The following ALOX5 variants were observed in gnomAD, a reference collection of about 807,000 sequenced individuals.
The protein encoded by ALOX5 is arachidonate 5-lipoxygenase.
Under a neutral mutation model 87.9 loss-of-function variants are expected in ALOX5, and 64 were observed. The observed-to-expected ratio is 0.73, with a 90% confidence interval of 0.60 to 0.90. The LOEUF is 0.90. Among genes scored for constraint, ALOX5 ranks in the 40% least tolerant of loss-of-function variants. The pLI is 0.00. For missense variants in ALOX5, 822 were observed against 907.5 expected (o/e 0.91, Z 1.21); for synonymous variants, 388 against 355.1 (o/e 1.09, Z -1.04).
intron 1 of ALOX5, 59 bp from the exon 2 acceptor site, chr10:45,382,424 C>A: frequency 2.5e-6 from 4 of 1,587,062 alleles, no homozygotes; most frequent in South Asian, 1.1e-5. Context: ...ATTCTTAACA[C>A]CTCCAGAACA....
intron 4 of ALOX5, among the ~76,000 whole-genome samples, chr10:45,419,996 G>T (rs1374236380): frequency 6.6e-6 from 1 of 152,144 alleles, no homozygotes; most frequent in African/African-American, 2.4e-5. Context: ...GTTTGTATAT[G>T]GGAAGAAGAC....
chr10:45,440,614 C>T lies in ALOX5; in HGVS notation c.1166C>T (p.Ala389Val). 1 of 1,614,182 alleles carries T rather than the reference C, an allele frequency of 6.2e-7. No homozygotes were observed. The highest frequency in any genetic ancestry group is 8.5e-7 in the Non-Finnish European group (1 of 1,180,030). ...FGIAMYRQLPAVHPIFKLLVA... is the reference protein window; with the variant it reads ...FGIAMYRQLPVVHPIFKLLVA... ...ATTGCAATGTACCGCCAGCTGCCTG[C>T]TGTGCACCCCATTTTCAAGGTACAG... The change falls in exon 8 of 14, where the codon GCT becomes GTT. Residue 389 changes from alanine (A) to valine (V), a missense_variant. Coordinates refer to ENST00000374391, the MANE Select transcript of ALOX5 (RefSeq NM_000698.5).
intron 4 of ALOX5, among the ~76,000 whole-genome samples, chr10:45,420,680 C>T (rs573316845): frequency 6.6e-6 from 1 of 152,362 alleles, no homozygotes; most frequent in East Asian, 1.9e-4. Flanking sequence ...AATTCTGGCA[C>T]GCAGTTCCTC....
At chr10:45,396,041 TG>T (rs1460373664) in intron 3 of ALOX5, 105 bp downstream of exon 3, 1 of 1,159,820 alleles carries the variant, frequency 8.6e-7, no homozygotes, top group East Asian at 2.6e-5. Flanking sequence ...CTGTCACTGC[TG>T]GAAAGTCACC....
intron 3 of ALOX5, among the ~76,000 whole-genome samples, chr10:45,401,030 G>A (rs929151569): frequency 6.6e-6 from 1 of 152,196 alleles, no homozygotes; most frequent in African/African-American, 2.4e-5. Flanking sequence ...TGGCTGATGG[G>A]CTGTATCCAG....
intron 7 of ALOX5, among the ~76,000 whole-genome samples, chr10:45,431,548 GTTATTTATTTAT>G (rs34431757): frequency 2.0e-3 from 303 of 148,556 alleles, no homozygotes; most frequent in African/African-American, 5.4e-3. Flanking sequence ...AAACTATAAA[GTTATTTATTTAT>G]TTATTTATTT....
chr10:45,384,789 A>AC (rs141834949), intron 2 of ALOX5, among the ~76,000 whole-genome samples: 4,267 of 150,860 alleles, frequency 0.028, 218 homozygotes, highest in African/African-American at 0.097. Context: ...GGGGATGCAG[A>AC]CCCCCCCATC....
intron 2 of ALOX5, among the ~76,000 whole-genome samples, chr10:45,384,237 A>G (rs1839940108): frequency 6.6e-6 from 1 of 152,150 alleles, no homozygotes; most frequent in South Asian, 2.1e-4. Flanking sequence ...CTTCCTCTAC[A>G]CATTCCCTCC....
intron 2 of ALOX5, among the ~76,000 whole-genome samples, chr10:45,385,536 A>G (rs986994812): frequency 6.6e-6 from 1 of 152,208 alleles, no homozygotes; most frequent in Non-Finnish European, 1.5e-5. Flanking sequence ...GCATGTTGCA[A>G]TTCCGCATGT....
intron 3 of ALOX5, among the ~76,000 whole-genome samples, chr10:45,401,515 C>A (rs1840699247): frequency 6.6e-6 from 1 of 152,022 alleles, no homozygotes; most frequent in East Asian, 1.9e-4. Flanking sequence ...GCTATATATA[C>A]CACTTTGCAT....
At chr10:45,391,651 C>T (rs1201933842) in intron 2 of ALOX5, among the ~76,000 whole-genome samples, 2 of 151,536 alleles carry the variant, frequency 1.3e-5, no homozygotes, top group African/African-American at 4.9e-5. Context: ...AAGTGAGGAG[C>T]GTCTCTGCCT....
At chr10:45,411,064 T>C (rs115372844) in intron 3 of ALOX5, among the ~76,000 whole-genome samples, 371 of 152,374 alleles carry the variant, frequency 2.4e-3, no homozygotes, top group African/African-American at 8.0e-3. Flanking sequence ...GAACTGAAGG[T>C]TCCTCCCTTT....
chr10:45,443,574 C>G, intron 11 of ALOX5, 37 bp downstream of exon 11: 3 of 1,600,012 alleles, frequency 1.9e-6, no homozygotes, highest in Non-Finnish European at 1.7e-6. Context: ...CCGGCTCCCC[C>G]GCAGTCGGCA....
In ALOX5 at chr10:45,443,054, G is replaced by C; in HGVS notation, c.1289G>C (p.Gly430Ala). The C allele has an allele frequency of 2.5e-6, 4 of 1,613,104 alleles. No homozygotes were observed. The highest frequency in any genetic ancestry group is 3.4e-6 in the Non-Finnish European group (4 of 1,179,700). Residue 430 changes from glycine (G) to alanine (A), a missense_variant, in exon 10 of 14, where the codon GGC becomes GCC. Gly to Ala is a moderately conservative substitution (Grantham distance 60). Transcript: ENST00000374391. ...GLFDKANATGGGGHVQMVQRA... is the reference protein window; with the variant it reads ...GLFDKANATGAGGHVQMVQRA... ...CCACTCCAGGCCAACGCCACAGGGG[G>C]CGGTGGGCACGTGCAGATGGTGCAG...
At chr10:45,403,587 G>A (rs575047424) in intron 3 of ALOX5, among the ~76,000 whole-genome samples, 21 of 152,256 alleles carry the variant, frequency 1.4e-4, no homozygotes, top group African/African-American at 4.6e-4. Flanking sequence ...GTGTGTGTGT[G>A]CATATATACA....
Position 45,374,418 on chromosome 10 carries a change from G to A in ALOX5, c.139G>A (p.Glu47Lys). 6.4e-7 allele frequency: 1 copy of A among 1,558,628 alleles called. No individual in the cohort carries two copies. The highest frequency in any genetic ancestry group is 8.6e-7 in the Non-Finnish European group (1 of 1,158,204). Reference sequence around the variant, plus strand: ...GGACAAGCCCTTCTACAACGACTTCGAGCGTGGCGCGGTGAGCGCGGGCGG... The same window carrying A: ...GGACAAGCCCTTCTACAACGACTTCAAGCGTGGCGCGGTGAGCGCGGGCGG... ...LLDKPFYNDF[E>K]RGAVDSYDVT... Residue 47 changes from glutamate (E) to lysine (K), a missense_variant, in exon 1 of 14, where the codon GAG becomes AAG. Glu to Lys is a moderately conservative substitution (Grantham distance 56). Transcript: ENST00000374391.
In ALOX5 at chr10:45,374,410, A is replaced by G. The variant is rs1265159730; in HGVS notation, c.131A>G (p.Asn44Ser). The G allele has an allele frequency of 6.4e-7, 1 of 1,559,628 alleles. No homozygotes were observed. The change falls in exon 1 of 14, where the codon AAC (asparagine) becomes AGC (serine). Residue 44 changes from asparagine to serine, a missense_variant. Asn to Ser is a conservative substitution (Grantham distance 46, BLOSUM62 1). Coordinates refer to ENST00000374391, the MANE Select transcript of ALOX5 (RefSeq NM_000698.5). ...EKHLLDKPFY[N>S]DFERGAVDSY... ...CACCTGCTGGACAAGCCCTTCTACA[A>G]CGACTTCGAGCGTGGCGCGGTGAGC...
intron 3 of ALOX5, among the ~76,000 whole-genome samples, chr10:45,409,750 T>C (rs1377592342): frequency 6.6e-6 from 1 of 152,260 alleles, no homozygotes; most frequent in Non-Finnish European, 1.5e-5. Context: ...TTAATGTCTG[T>C]GGCCATGCAG....
At chr10:45,396,330 A>G (rs1840503692) in intron 3 of ALOX5, among the ~76,000 whole-genome samples, 1 of 139,948 alleles carries the variant, frequency 7.1e-6, no homozygotes, top group Admixed American at 7.4e-5. Flanking sequence ...GAGGATTCAA[A>G]CCATTAAAAT....
Sources: allele counts gnomAD v4.1 joint callset (sites outside exome capture counted in the v4.1 genomes callset), GRCh38; gene constraint gnomAD v4.1.1; transcripts MANE v1.5; gene names NCBI Gene and HGNC (gene_info 2026-07-23, HGNC 2026-07-21).